Variants in ATXN1 observed in about 807,000 individuals in gnomAD.
ATXN1 encodes ataxin 1, also known as ataxin-1.
A neutral mutation model predicts 56.4 loss-of-function variants in ATXN1; 8 were observed. That is an observed-to-expected ratio of 0.14 (90% CI 0.08 to 0.26). The LOEUF is 0.26. Among genes scored for constraint, ATXN1 ranks in the 10% least tolerant of loss-of-function variants. ATXN1 has a pLI of 1.00. For missense variants in ATXN1, 987 were observed against 1,106.5 expected (o/e 0.89, Z 1.53); for synonymous variants, 514 against 494.6 (o/e 1.04, Z -0.52).
intron 6 of ATXN1, among the ~76,000 whole-genome samples, chr6:16,433,472 G>C (rs1307759219): frequency 6.6e-6 from 1 of 152,126 alleles, no homozygotes; most frequent in African/African-American, 2.4e-5. Flanking sequence ...TTAGAGGTGG[G>C]CAAAAAACAG....
chr6:16,581,156 G>A (rs1044836965), intron 4 of ATXN1, among the ~76,000 whole-genome samples: 2 of 151,402 alleles, frequency 1.3e-5, no homozygotes, highest in African/African-American at 2.4e-5. Context: ...GGTTACATAC[G>A]GTGCCTGAAG....
intron 4 of ATXN1, among the ~76,000 whole-genome samples, chr6:16,524,062 G>T (rs994601493): frequency 6.6e-6 from 1 of 152,198 alleles, no homozygotes; most frequent in African/African-American, 2.4e-5. Flanking sequence ...GCTGTGGAAG[G>T]CCACAGCTTT....
At chr6:16,332,040 G>A in intron 6 of ATXN1, among the ~76,000 whole-genome samples, 1 of 152,202 alleles carries the variant, frequency 6.6e-6, no homozygotes, top group East Asian at 1.9e-4. Context: ...ATCTTTTCCA[G>A]AGATTGCCAA....
chr6:16,536,171 C>T (rs1189798803), intron 4 of ATXN1, among the ~76,000 whole-genome samples: 2 of 152,164 alleles, frequency 1.3e-5, no homozygotes, highest in East Asian at 1.9e-4. Flanking sequence ...GAGCTGAGAT[C>T]GTACCACTGC....
intron 3 of ATXN1, chr6:16,652,726 G>A (rs1027118916): frequency 7.9e-5 from 12 of 152,218 alleles, no homozygotes; most frequent in African/African-American, 2.7e-4. Flanking sequence ...GAACTACGCA[G>A]AGGAAAATCT....
intron 5 of ATXN1, among the ~76,000 whole-genome samples, chr6:16,515,236 C>T (rs1192657044): frequency 1.3e-5 from 2 of 152,118 alleles, no homozygotes; most frequent in Non-Finnish European, 2.9e-5. Flanking sequence ...CTCTGGGACC[C>T]CAGTCTCTTT....
intron 6 of ATXN1, among the ~76,000 whole-genome samples, chr6:16,348,145 C>A (rs1475873420): frequency 6.6e-6 from 1 of 152,242 alleles, no homozygotes; most frequent in Non-Finnish European, 1.5e-5. Flanking sequence ...CCATAGTTTA[C>A]TGTAGCCTCG....
intron 3 of ATXN1, among the ~76,000 whole-genome samples, chr6:16,613,735 G>A (rs1254504503): frequency 2.6e-5 from 4 of 152,034 alleles, no homozygotes; most frequent in African/African-American, 7.2e-5. Context: ...AGGCTGAGGC[G>A]GGAGGATTGC....
At position 16,302,006 on chromosome 6, in the gene ATXN1, C is replaced by T. The variant is rs562833114; in HGVS notation, c.*4323G>A. 1.3e-5 allele frequency: 2 copies of T among 152,758 alleles called. No individual in the cohort carries two copies. Among genetic ancestry groups the T allele is most frequent in the East Asian group, 3.9e-4 (2 of 5,194 alleles). The allele number at this position is 152,758 out of a possible 1,614,324, so 9.5% of individuals were successfully genotyped here. A position where few individuals can be genotyped will look rare whatever the true frequency, so the allele number is the denominator to read the frequency against. On this transcript the variant is annotated 3_prime_UTR_variant, in exon 8 of 8. Transcript: ENST00000436367. Reference sequence around the variant, plus strand: ...AAAAATAAATTTTGGCAACATATTTCAGTAAAGATCAAACTGTGCAAAGAG... The same window carrying T: ...AAAAATAAATTTTGGCAACATATTTTAGTAAAGATCAAACTGTGCAAAGAG...
At chr6:16,755,613 C>A (rs1407721759) in intron 1 of ATXN1, among the ~76,000 whole-genome samples, 3 of 151,218 alleles carry the variant, frequency 2.0e-5, no homozygotes, top group Non-Finnish European at 4.4e-5. Context: ...TTTCTTTGAA[C>A]GTTAGAAGGA....
chr6:16,307,341 C>T (rs1405676036), intron 7 of ATXN1, among the ~76,000 whole-genome samples: 1 of 152,112 alleles, frequency 6.6e-6, no homozygotes, highest in African/African-American at 2.4e-5. Flanking sequence ...GAAGCAGGCA[C>T]AGTGTGTTTA....
intron 6 of ATXN1, among the ~76,000 whole-genome samples, chr6:16,431,186 C>CAA (rs1355544400): frequency 6.6e-6 from 1 of 152,032 alleles, no homozygotes; most frequent in African/African-American, 2.4e-5. Flanking sequence ...AGATTAAATC[C>CAA]AAGCATACCA....
At chr6:16,445,661 T>C (rs1470313995) in intron 6 of ATXN1, among the ~76,000 whole-genome samples, 2 of 143,912 alleles carry the variant, frequency 1.4e-5, no homozygotes, top group Non-Finnish European at 3.1e-5. Flanking sequence ...CTCCTAATGC[T>C]ATCCCTCCCC....
intron 3 of ATXN1, among the ~76,000 whole-genome samples, chr6:16,629,579 T>C (rs1430822949): frequency 6.6e-6 from 1 of 152,154 alleles, no homozygotes; most frequent in African/African-American, 2.4e-5. Flanking sequence ...TCTGCCCACC[T>C]TGGCCTTTCA....
intron 6 of ATXN1, among the ~76,000 whole-genome samples, chr6:16,423,940 G>A (rs1457011622): frequency 2.6e-5 from 4 of 152,178 alleles, no homozygotes; most frequent in Admixed American, 6.5e-5. Context: ...CTAGCCTTAC[G>A]AGAATGCTAG....
intron 6 of ATXN1, among the ~76,000 whole-genome samples, chr6:16,376,007 G>T (rs966061268): frequency 6.6e-6 from 1 of 152,202 alleles, no homozygotes; most frequent in Admixed American, 6.5e-5. Context: ...GTGCCCCATG[G>T]CACAGCTGCC....
At chr6:16,382,739 T>C (rs963092683) in intron 6 of ATXN1, among the ~76,000 whole-genome samples, 5 of 151,944 alleles carry the variant, frequency 3.3e-5, no homozygotes, top group Non-Finnish European at 7.4e-5. Context: ...GGGTGTCCAA[T>C]CTTTTGGCTT....
intron 6 of ATXN1, among the ~76,000 whole-genome samples, chr6:16,417,502 G>A (rs112583508): frequency 0.13 from 18,768 of 147,764 alleles, 1,254 homozygotes; most frequent in Admixed American, 0.15. Context: ...GCAGTGGCAC[G>A]ATCTCGGCTC....
intron 6 of ATXN1, among the ~76,000 whole-genome samples, chr6:16,338,314 A>T (rs1561857817): frequency 1.3e-5 from 2 of 152,054 alleles, no homozygotes; most frequent in Admixed American, 1.3e-4. Context: ...TAACACAGTG[A>T]AATCCTGTCT....
Sources: gnomAD v4.1 joint callset for allele counts (sites outside exome capture counted in the v4.1 genomes callset) on GRCh38, gnomAD v4.1.1 for gene constraint, MANE v1.5 for transcripts, NCBI Gene and HGNC (gene_info 2026-07-23, HGNC 2026-07-21) for gene names.